DNAH6: variants seen among roughly 807,000 people sequenced by gnomAD.
DNAH6 encodes axonemal beta dynein heavy chain 6.
A neutral mutation model predicts 491.4 loss-of-function variants in DNAH6; 340 were observed. That is an observed-to-expected ratio of 0.69 (90% CI 0.63 to 0.76). DNAH6 has a LOEUF of 0.76. Ranked by LOEUF, DNAH6 falls within the 30% of genes least tolerant of loss-of-function variation. The pLI is 0.00. For missense variants in DNAH6, 4,443 were observed against 4,972.2 expected (o/e 0.89, Z 3.20); for synonymous variants, 1,603 against 1,686.1 (o/e 0.95, Z 1.21).
At position 84,694,425 on chromosome 2, in the gene DNAH6, A is replaced by G. The variant is rs1239414707; in HGVS notation, c.7469A>G (p.Tyr2490Cys). Residue 2490 changes from tyrosine (Y) to cysteine (C), a missense_variant, in exon 46 of 77, where the codon TAC becomes TGC. Coordinates refer to ENST00000389394, the MANE Select transcript of DNAH6 (RefSeq NM_001370.2). Reference sequence around the variant, plus strand: ...TTTCATGAAGACCTGAGGAAGTTGTACAAAATGGCTGGTGTAGAAGACAAG... The same window carrying G: ...TTTCATGAAGACCTGAGGAAGTTGTGCAAAATGGCTGGTGTAGAAGACAAG... The part of the protein sequence containing the change: ...DSFHEDLRKL[Y>C]KMAGVEDKNM... 1.3e-6 allele frequency: 2 copies of G among 1,552,250 alleles called. No homozygotes were observed. Among genetic ancestry groups the G allele is most frequent in the Non-Finnish European group, 1.7e-6 (2 of 1,147,116 alleles).
rs1680159038 is a variant in DNAH6 at position 84,813,128 on chromosome 2, C to T, written c.11996C>T (p.Thr3999Ile). ...SGFFFPQGFL[T>I]GTLQNHARKY... Reference sequence around the variant, plus strand: ...TTCTTCTTTCCTCAAGGATTTCTAACAGGTACCAGCGCTTTCTAGAAAAAC... The same window carrying T: ...TTCTTCTTTCCTCAAGGATTTCTAATAGGTACCAGCGCTTTCTAGAAAAAC... Residue 3999 changes from threonine to isoleucine, a missense_variant and splice_region_variant, in exon 74 of 77, where the codon ACA (threonine) becomes ATA (isoleucine). Physicochemically the swap from Thr to Ile is moderately conservative, Grantham distance 89 (BLOSUM62 -1). Coordinates refer to ENST00000389394, the MANE Select transcript of DNAH6 (RefSeq NM_001370.2). 4 of 1,550,818 alleles carry T rather than the reference C, an allele frequency of 2.6e-6. No individual in the cohort carries two copies. The highest frequency in any genetic ancestry group is 3.5e-6 in the Non-Finnish European group (4 of 1,146,224).
At chr2:84,595,909 A>T (rs1573150599) in intron 18 of DNAH6, 120 bp downstream of exon 18, 2 of 1,116,694 alleles carry the variant, frequency 1.8e-6, no homozygotes, top group East Asian at 5.6e-5. Context: ...GACAGAAAAA[A>T]CAATAGTCAA....
intron 11 of DNAH6, among the ~76,000 whole-genome samples, chr2:84,564,924 G>C (rs571300804): frequency 6.6e-6 from 1 of 152,000 alleles, no homozygotes; most frequent in African/African-American, 2.4e-5. Context: ...ATCAAAAGCT[G>C]TTTCTGTGTC....
At chr2:84,491,939 A>G in the DNAH6 span, among the ~76,000 whole-genome samples, 2 of 152,154 alleles carry the variant, frequency 1.3e-5, no homozygotes, top group African/African-American at 2.4e-5. Flanking sequence ...TTGGCTGCCC[A>G]CACATTCAGG....
intron 52 of DNAH6, among the ~76,000 whole-genome samples, 151 bp from the exon 53 acceptor site, chr2:84,706,740 CTAATT>C (rs1301846980): frequency 6.6e-6 from 1 of 152,078 alleles, no homozygotes; most frequent in Non-Finnish European, 1.5e-5. Flanking sequence ...GTATTTTACT[CTAATT>C]TATATTTGTT....
At chr2:84,499,393 A>G in the DNAH6 span, among the ~76,000 whole-genome samples, 1 of 152,210 alleles carries the variant, frequency 6.6e-6, no homozygotes, top group African/African-American at 2.4e-5. Flanking sequence ...TTATGGCTAA[A>G]TAGTACTCCA....
chr2:84,637,736 C>G (rs1689015883), intron 31 of DNAH6, among the ~76,000 whole-genome samples: 1 of 152,108 alleles, frequency 6.6e-6, no homozygotes, highest in Non-Finnish European at 1.5e-5. Flanking sequence ...TTATTTTTTA[C>G]TGGAGTCAAG....
At chr2:84,814,198 C>A (rs1209161604) in intron 75 of DNAH6, 76 bp downstream of exon 75, 43 of 1,407,934 alleles carry the variant, frequency 3.1e-5, no homozygotes, top group Non-Finnish European at 2.8e-5. Flanking sequence ...ACCTTCCATG[C>A]CCCACTCCCC....
intron 42 of DNAH6, among the ~76,000 whole-genome samples, chr2:84,682,542 T>G (rs1401402137): frequency 6.6e-6 from 1 of 152,166 alleles, no homozygotes; most frequent in Non-Finnish European, 1.5e-5. Flanking sequence ...TCCAGCTTCC[T>G]TCTCAGTGTG....
intron 12 of DNAH6, among the ~76,000 whole-genome samples, 177 bp downstream of exon 12, chr2:84,573,764 T>C (rs548171609): frequency 4.3e-4 from 65 of 152,330 alleles, no homozygotes; most frequent in African/African-American, 1.5e-3. Context: ...ACTTTTTTCC[T>C]TTCTCCTTAT....
intron 55 of DNAH6, 51 bp from the exon 56 acceptor site, chr2:84,710,236 C>T: frequency 6.6e-7 from 1 of 1,514,006 alleles, no homozygotes; most frequent in Middle Eastern, 1.7e-4. Context: ...CGCTTTCTAG[C>T]CATTTATTAT....
intron 70 of DNAH6, 31 bp downstream of exon 70, chr2:84,797,689 TTA>T: frequency 6.5e-7 from 1 of 1,530,760 alleles, no homozygotes; most frequent in Non-Finnish European, 8.9e-7. Flanking sequence ...AAATACATAT[TTA>T]TGTTGTGTAT....
intron 55 of DNAH6, 144 bp downstream of exon 55, chr2:84,709,690 A>T: frequency 1.1e-6 from 1 of 894,002 alleles, no homozygotes; most frequent in South Asian, 1.8e-5. Context: ...AGAGTGTTAA[A>T]GTCCTATAGT....
the DNAH6 span, among the ~76,000 whole-genome samples, chr2:84,491,105 T>C: frequency 3.9e-5 from 6 of 152,192 alleles, no homozygotes; most frequent in East Asian, 1.9e-4. Flanking sequence ...GGTAAACATA[T>C]ATTTTTATTT....
In DNAH6 at chr2:84,816,008, T is replaced by C. The variant is rs1680453139; in HGVS notation, c.12298T>C (p.Tyr4100His). Reference sequence around the variant, plus strand: ...GGTGCATTTTGAACCACAACAAAACTATAAGCCAAGCCCAACACTTTACCA... The same window carrying C: ...GGTGCATTTTGAACCACAACAAAACCATAAGCCAAGCCCAACACTTTACCA... The part of the protein sequence containing the change: ...PVVHFEPQQN[Y>H]KPSPTLYHCP... Residue 4100 changes from tyrosine to histidine, a missense_variant, in exon 76 of 77, where the codon TAT (tyrosine) becomes CAT (histidine). This residue lies in a region of DNAH6 where 1,463 missense variants were observed against 1,656.6 expected (regional missense o/e 0.88). Transcript: ENST00000389394. 21 of 1,551,824 alleles carry C rather than the reference T, an allele frequency of 1.4e-5. No homozygotes were observed. In the East Asian group the frequency reaches 4.6e-4, roughly 34 times the overall value.
intron 64 of DNAH6, among the ~76,000 whole-genome samples, chr2:84,763,334 C>T (rs1674766254): frequency 6.6e-6 from 1 of 152,066 alleles, no homozygotes; most frequent in African/African-American, 2.4e-5. Context: ...CATGAGTCTT[C>T]ACTCTTCTGG....
At chr2:84,514,866 G>GCCACACACACACACAC (rs1254763306), upstream of DNAH6, among the ~76,000 whole-genome samples, 1 of 24,002 alleles carries the variant, frequency 4.2e-5, no homozygotes, top group African/African-American at 3.5e-4. Flanking sequence ...CTTCACCACA[G>GCCACACACACACACAC]TCACACACAC....
intron 33 of DNAH6, 80 bp from the exon 34 acceptor site, chr2:84,653,239 A>AAT: frequency 8.5e-7 from 1 of 1,172,604 alleles, no homozygotes; most frequent in Non-Finnish European, 1.2e-6. Flanking sequence ...TAAGACTCAT[A>AAT]ATATTTCATT....
At chr2:84,730,099 C>T (rs541446456) in intron 61 of DNAH6, among the ~76,000 whole-genome samples, 4 of 151,754 alleles carry the variant, frequency 2.6e-5, no homozygotes, top group African/African-American at 7.3e-5. Context: ...GATACATGCC[C>T]GATGGAATCT....
Sources: allele counts gnomAD v4.1 joint callset (sites outside exome capture counted in the v4.1 genomes callset), GRCh38; gene constraint gnomAD v4.1.1; regional missense constraint gnomAD v4.1.1; transcripts MANE v1.5; gene names NCBI Gene and HGNC (gene_info 2026-07-23, HGNC 2026-07-21).